Variants in ANKS1B observed in about 807,000 individuals in gnomAD.
The protein encoded by ANKS1B is ankyrin repeat and sterile alpha motif domain containing 1B.
A neutral mutation model predicts 148.3 loss-of-function variants in ANKS1B; 36 were observed. That is an observed-to-expected ratio of 0.24 (90% CI 0.19 to 0.32). The LOEUF is 0.32. Among genes scored for constraint, ANKS1B ranks in the 10% least tolerant of loss-of-function variants. ANKS1B has a pLI of 1.00. For missense variants in ANKS1B, 1,157 were observed against 1,542.6 expected, an observed-to-expected ratio of 0.75 and a Z score of 4.19; for synonymous variants, 542 against 560.8, an observed-to-expected ratio of 0.97 and a Z score of 0.47.
At chr12:99,337,241 C>T (rs917148156) in intron 12 of ANKS1B, among the ~76,000 whole-genome samples, 4 of 151,814 alleles carry the variant, frequency 2.6e-5, no homozygotes, top group African/African-American at 4.8e-5. Context: ...TCTTCAAGCT[C>T]GGTTATTCTT....
rs1057339360 is a variant in ANKS1B, at chr12:98,745,248, C to T, written c.*491G>A. 3.7e-5 allele frequency: 36 copies of T among 985,476 alleles called. No homozygotes were observed. The highest frequency in any genetic ancestry group is 1.2e-4 in the Admixed American group (2 of 16,238). 61.0% of individuals were successfully genotyped at this position (985,476 alleles called of 1,614,324 possible). A position where few individuals can be genotyped will look rare whatever the true frequency, so the allele number is the denominator to read the frequency against. The stretch of plus-strand genomic sequence containing the variant: ...GTTGTTTTTGTCCTTTTGCATTAAA[C>T]GATACTCAATGATAGAATGATTTTA... On this transcript the variant is annotated 3_prime_UTR_variant, in exon 27 of 27. Transcript: ENST00000683438.
intron 17 of ANKS1B, among the ~76,000 whole-genome samples, chr12:99,010,000 C>T (rs1444703757): frequency 1.3e-5 from 2 of 152,148 alleles, no homozygotes; most frequent in African/African-American, 4.8e-5. Flanking sequence ...AGGTAATAGA[C>T]ATTAAGGAAG....
intron 15 of ANKS1B, among the ~76,000 whole-genome samples, chr12:99,086,507 G>C (rs1038971686): frequency 6.6e-6 from 1 of 152,140 alleles, no homozygotes; most frequent in Non-Finnish European, 1.5e-5. Context: ...TTAAGAAAGA[G>C]AGTTACATGC....
At chr12:99,757,225 T>G (rs1407706153) in intron 8 of ANKS1B, among the ~76,000 whole-genome samples, 1 of 152,056 alleles carries the variant, frequency 6.6e-6, no homozygotes, top group Non-Finnish European at 1.5e-5. Context: ...ATAGCCAGCA[T>G]CTTTAAGGAA....
Position 98,745,297 on chromosome 12 carries a change from G to T in ANKS1B, c.*442C>A. The T allele has an allele frequency of 1.0e-6, 1 of 985,020 alleles. No individual in the cohort carries two copies. The highest frequency in any genetic ancestry group is 1.2e-6 in the Non-Finnish European group (1 of 830,206). 61.0% of individuals were successfully genotyped at this position (985,020 alleles called of 1,614,324 possible). Reference sequence around the variant, plus strand: ...TACAGATGCTTTGGAGGTGGGAGGGGTAGTGCTGCTCTGATTTCACCTTTA... The same window carrying T: ...TACAGATGCTTTGGAGGTGGGAGGGTTAGTGCTGCTCTGATTTCACCTTTA... On this transcript the variant is annotated 3_prime_UTR_variant, in exon 27 of 27. Coordinates refer to ENST00000683438, the MANE Select transcript of ANKS1B (RefSeq NM_001352186.2).
intron 1 of ANKS1B, among the ~76,000 whole-genome samples, chr12:99,883,448 T>C (rs2092645273): frequency 6.6e-6 from 1 of 152,162 alleles, no homozygotes; most frequent in Admixed American, 6.5e-5. Context: ...AAATATAGTT[T>C]TTTGAGTAAT....
intron 17 of ANKS1B, among the ~76,000 whole-genome samples, chr12:98,941,838 G>C (rs959757721): frequency 1.3e-5 from 2 of 152,100 alleles, no homozygotes; most frequent in African/African-American, 4.8e-5. Flanking sequence ...AATATATATA[G>C]AGAAAGGGTA....
intron 25 of ANKS1B, among the ~76,000 whole-genome samples, chr12:98,769,191 T>TG (rs2098534614): frequency 7.5e-6 from 1 of 133,038 alleles, no homozygotes; most frequent in Non-Finnish European, 1.7e-5. Context: ...TTTTTTTTTT[T>TG]TTTGCCATTT....
In ANKS1B at chr12:98,932,623, C is replaced by T. The variant is rs192951302; in HGVS notation, c.2779-100487G>A. ...TTGGGTTTTTGATAATACCAAATAACATCAAATGGAAGCAGTCTCATGGTT... is the reference window on the plus strand; with the variant it reads ...TTGGGTTTTTGATAATACCAAATAATATCAAATGGAAGCAGTCTCATGGTT... On this transcript the variant is annotated intron_variant, in intron 17 of 26. Coordinates refer to ENST00000683438, the MANE Select transcript of ANKS1B (RefSeq NM_001352186.2). Among the ~76,000 whole-genome samples, 4 of 152,260 alleles carry T rather than the reference C, an allele frequency of 2.6e-5. No homozygotes were observed. The East Asian group carries it at 7.7e-4, about 29-fold the overall frequency.
chr12:99,680,456 C>A (rs927422408), intron 8 of ANKS1B, among the ~76,000 whole-genome samples: 1 of 151,578 alleles, frequency 6.6e-6, no homozygotes, highest in African/African-American at 2.4e-5. Context: ...GAAGAAGAAG[C>A]AGCAGCAGGA....
rs752973706 is a variant in ANKS1B at position 99,443,582 on chromosome 12, A to G, written c.1575+91T>C. On this transcript the variant is annotated intron_variant, in intron 11 of 26. Transcript: ENST00000683438. ...GAAATCCATTGACATACCACATAAA[A>G]CAGTCCAGGCATTGCAATATAAGTG... 339 of 1,347,144 alleles carry G rather than the reference A, an allele frequency of 2.5e-4. 1 individual carries two copies. Among genetic ancestry groups the G allele is most frequent in the Non-Finnish European group, 3.1e-4 (302 of 986,672 alleles). The allele number at this position is 1,347,144 out of a possible 1,614,324, so 83.4% of individuals were successfully genotyped here. A position where few individuals can be genotyped will look rare whatever the true frequency, so the allele number is the denominator to read the frequency against.
At chr12:99,845,646 C>T (rs537661774) in intron 1 of ANKS1B, among the ~76,000 whole-genome samples, 11 of 152,194 alleles carry the variant, frequency 7.2e-5, no homozygotes, top group Non-Finnish European at 1.2e-4. Context: ...AGAATTTTTG[C>T]AGTGATGCTC....
chr12:99,345,462 A>G (rs1236775732), intron 12 of ANKS1B, among the ~76,000 whole-genome samples: 1 of 152,078 alleles, frequency 6.6e-6, no homozygotes, highest in Non-Finnish European at 1.5e-5. Context: ...TAGTGGTTTC[A>G]GTTGTTAAAT....
chr12:99,475,869 T>A (rs2096311311), intron 10 of ANKS1B, among the ~76,000 whole-genome samples: 1 of 152,060 alleles, frequency 6.6e-6, no homozygotes, highest in African/African-American at 2.4e-5. Flanking sequence ...AAGGAAAGCT[T>A]GTTTAATTAA....
intron 12 of ANKS1B, among the ~76,000 whole-genome samples, chr12:99,316,451 T>TG (rs1353774081): frequency 1.3e-5 from 2 of 152,248 alleles, no homozygotes; most frequent in African/African-American, 4.8e-5. Context: ...ATGTGTCTGT[T>TG]GGGGGCATAA....
At chr12:99,981,615 G>T (rs1603605225) in intron 1 of ANKS1B, among the ~76,000 whole-genome samples, 1 of 152,186 alleles carries the variant, frequency 6.6e-6, no homozygotes, top group Middle Eastern at 3.4e-3. Flanking sequence ...TTAAAATGTT[G>T]TAAAACAAAT....
Position 99,520,103 on chromosome 12 carries a change from A to G in ANKS1B, c.1273-15462T>C, listed in dbSNP as rs2153056081. ...TCTACTTAAGATATGAGTAGTTTAC[A>G]TGCCACAATTACAGTGCTATAATAT... On this transcript the variant is annotated intron_variant, in intron 9 of 26. Coordinates refer to ENST00000683438, the MANE Select transcript of ANKS1B (RefSeq NM_001352186.2). Among the ~76,000 whole-genome samples the G allele has an allele frequency of 2.6e-5, 4 of 152,306 alleles. No homozygotes were observed. The South Asian group carries it at 8.3e-4, about 32-fold the overall frequency.
intron 17 of ANKS1B, among the ~76,000 whole-genome samples, chr12:98,892,904 A>G (rs2099755636): frequency 6.6e-6 from 1 of 152,132 alleles, no homozygotes; most frequent in African/African-American, 2.4e-5. Flanking sequence ...AGAAAAAAAT[A>G]TTGCTTCTAC....
chr12:99,440,753 T>G (rs928549409), intron 11 of ANKS1B, among the ~76,000 whole-genome samples: 4 of 151,870 alleles, frequency 2.6e-5, no homozygotes, highest in African/African-American at 7.2e-5. Flanking sequence ...TATCTCATAT[T>G]GAAAGCAAGG....
Sources: allele counts gnomAD v4.1 joint callset (sites outside exome capture counted in the v4.1 genomes callset), GRCh38; gene constraint gnomAD v4.1.1; transcripts MANE v1.5; gene names NCBI Gene and HGNC (gene_info 2026-07-23, HGNC 2026-07-21).